The following DISP3 variants were observed in gnomAD, a reference collection of about 807,000 sequenced individuals.
The protein encoded by DISP3 is dispatched RND transporter family member 3.
A neutral mutation model predicts 135.3 loss-of-function variants in DISP3; 101 were observed. That is an observed-to-expected ratio of 0.75 (90% CI 0.64 to 0.88). The LOEUF is 0.88. Ranked by LOEUF, DISP3 falls within the 40% of genes least tolerant of loss-of-function variation. DISP3 has a pLI of 0.00. For synonymous variants in DISP3, 856 were observed against 817.0 expected, an observed-to-expected ratio of 1.05 and a Z score of -0.81; for missense variants, 1,713 against 1,878.6, an observed-to-expected ratio of 0.91 and a Z score of 1.63.
chr1:11,536,177 C>A lies in DISP3; in HGVS notation c.3817-147C>A. The A allele has an allele frequency of 8.4e-7, 1 of 1,189,310 alleles. No homozygotes were observed. Among genetic ancestry groups the A allele is most frequent in the Non-Finnish European group, 1.1e-6 (1 of 874,674 alleles). The allele number at this position is 1,189,310 out of a possible 1,614,324, so 73.7% of individuals were successfully genotyped here. On this transcript the variant is annotated intron_variant, in intron 20 of 20. Coordinates refer to ENST00000294484, the MANE Select transcript of DISP3 (RefSeq NM_020780.2). The surrounding 1 kb of genome is among the most constrained non-coding windows in gnomAD (Gnocchi z 4.3). ...CATAGCAACACCTACCTGGTTCCTA[C>A]CCTCCCAACCCTGGGAGGCCACTTG... is the stretch of plus-strand genomic sequence containing the variant.
chr1:11,533,556 C>T (rs955876711), intron 17 of DISP3: 11 of 537,226 alleles, frequency 2.0e-5, no homozygotes, highest in Admixed American at 3.1e-5. Flanking sequence ...TGCGCCCAGC[C>T]GGTGACTGGC....
chr1:11,527,074 A>T (rs2473471), intron 13 of DISP3, among the ~76,000 whole-genome samples: 1 of 151,760 alleles, frequency 6.6e-6, no homozygotes, highest in Non-Finnish European at 1.5e-5. Flanking sequence ...GGGATTACAG[A>T]CATGCACCAC....
chr1:11,519,810 C>T lies in DISP3; in HGVS notation c.2130C>T (p.Ile710=), dbSNP rs760225140. 1.1e-5 allele frequency: 17 copies of T among 1,612,796 alleles called. No individual in the cohort carries two copies. Among genetic ancestry groups the T allele is most frequent in the African/African-American group, 2.7e-5 (2 of 74,920 alleles). Residue 710 remains isoleucine (I), a synonymous_variant, in exon 9 of 21, where the codon ATC becomes ATT. Transcript: ENST00000294484. This position sits in a 1 kb window ranked among gnomAD's most constrained non-coding sequence, Gnocchi z 4.3. ...ACACGGGCAGCCGCGGCCATCTCAT[C>T]GTGCAGCTGCAGGAGCTGCTGCACC... ...ASNTGSRGHL[I]VQLQELLHHW... is the part of the protein sequence containing the mutation.
At position 11,519,266 on chromosome 1, in the gene DISP3, T is replaced by G; in HGVS notation, c.1890-89T>G. On this transcript the variant is annotated intron_variant, in intron 7 of 20. Coordinates refer to ENST00000294484, the MANE Select transcript of DISP3 (RefSeq NM_020780.2). This position sits in a 1 kb window ranked among gnomAD's most constrained non-coding sequence, Gnocchi z 4.3. ...GTGACGTCAGCAGCACTGTGATACC[T>G]GGGTTCATCTGATCCTCAGGGCCCT... 7.0e-7 allele frequency: 1 copy of G among 1,437,882 alleles called. No homozygotes were observed. The highest frequency in any genetic ancestry group is 1.9e-5 in the Admixed American group (1 of 53,408). The allele number at this position is 1,437,882 out of a possible 1,614,324, so 89.1% of individuals were successfully genotyped here.
chr1:11,526,692 C>T lies in DISP3; in HGVS notation c.2655C>T (p.Thr885=), dbSNP rs757183286. 14 of 1,614,024 alleles carry T rather than the reference C, an allele frequency of 8.7e-6. No individual in the cohort carries two copies. Among genetic ancestry groups the T allele is most frequent in the Admixed American group, 8.3e-5 (5 of 60,006 alleles). The part of the protein sequence containing the change: ...APFGNFTKKL[T]ACMSTVGLLQ... Reference sequence around the variant, plus strand: ...TTGGTAACTTCACCAAGAAGCTGACCGCTTGTATGTCTACAGTAGGGCTGC... The same window carrying T: ...TTGGTAACTTCACCAAGAAGCTGACTGCTTGTATGTCTACAGTAGGGCTGC... Residue 885 remains threonine, a synonymous_variant, in exon 13 of 21, where the codon ACC becomes ACT. Transcript: ENST00000294484.
At position 11,479,191 on chromosome 1, in the gene DISP3, T is replaced by G. The variant is rs1276111532; in HGVS notation, c.-185T>G. 6.3e-6 allele frequency: 1 copy of G among 158,668 alleles called. No individual in the cohort carries two copies. The highest frequency in any genetic ancestry group is 2.4e-5 in the African/African-American group (1 of 41,426). 9.8% of individuals were successfully genotyped at this position (158,668 alleles called of 1,614,324 possible). ...TGAGGACTGGGATTCGCGCGCAGCT[T>G]CCCGCGGTCTGCTTGCCCTGGAGCG... is the stretch of plus-strand genomic sequence containing the variant. On this transcript the variant is annotated 5_prime_UTR_variant, in exon 1 of 21. Transcript: ENST00000294484.
At chr1:11,530,572 G>A (rs1431697301) in intron 15 of DISP3, among the ~76,000 whole-genome samples, 1 of 152,066 alleles carries the variant, frequency 6.6e-6, no homozygotes, top group Non-Finnish European at 1.5e-5. Context: ...AGGGGTGGGG[G>A]GACCAGGCAG....
At position 11,498,859 on chromosome 1, in the gene DISP3, A is replaced by T. The variant is rs74055713; in HGVS notation, c.-3-2131A>T. Among the ~76,000 whole-genome samples the T allele has an allele frequency of 1.9e-3, 287 of 152,264 alleles. 2 individuals are homozygous for T. Among genetic ancestry groups the T allele is most frequent in the African/African-American group, 6.5e-3 (269 of 41,536 alleles). ...AGATGGGGAGACTGAAGCTCATCAA[A>T]GTTACACTGCCTGCCCTAAATCTTA... On this transcript the variant is annotated intron_variant, in intron 1 of 20. Coordinates refer to ENST00000294484, the MANE Select transcript of DISP3 (RefSeq NM_020780.2).
At chr1:11,500,316 C>T (rs1475670035) in intron 1 of DISP3, among the ~76,000 whole-genome samples, 1 of 152,260 alleles carries the variant, frequency 6.6e-6, no homozygotes, top group Non-Finnish European at 1.5e-5. Flanking sequence ...CAGTCCCCAG[C>T]CGGGAGCAGG....
rs1266940325 is a variant in DISP3, at chr1:11,501,181, CCTGGGCTGGGCCTTCACCAATCCGTG to C, written c.193_218del (p.Gly65CysfsTer29). Reference sequence around the variant, plus strand: ...CCCCAGCTTCGGGCTTCTGGAGTACCCTGGGCTGGGCCTTCACCAATCCGTGCTGTGCTGGGCTGGTGCTCTTCCTG... The same window carrying C: ...CCCCAGCTTCGGGCTTCTGGAGTACCCTGTGCTGGGCTGGTGCTCTTCCTG... On this transcript the variant is annotated frameshift_variant, in exon 2 of 21. Coordinates refer to ENST00000294484, the MANE Select transcript of DISP3 (RefSeq NM_020780.2). LOFTEE classifies it high-confidence loss of function. This position sits in a 1 kb window ranked among gnomAD's most constrained non-coding sequence, Gnocchi z 4.9. 59 of 1,614,018 alleles carry C rather than the reference CCTGGGCTGGGCCTTCACCAATCCGTG, an allele frequency of 3.7e-5. No individual in the cohort carries two copies. Among genetic ancestry groups the C allele is most frequent in the Non-Finnish European group, 4.8e-5 (57 of 1,180,022 alleles).
intron 1 of DISP3, among the ~76,000 whole-genome samples, chr1:11,500,673 A>AT (rs57830457): frequency 0.044 from 6,627 of 150,528 alleles, 454 homozygotes; most frequent in African/African-American, 0.15. Context: ...GTGTAGTCAG[A>AT]TTTTTTTTTT....
chr1:11,531,647 G>T lies in DISP3; in HGVS notation c.3312G>T (p.Leu1104=), dbSNP rs1299358197. 6.2e-7 allele frequency: 1 copy of T among 1,613,274 alleles called. No individual in the cohort carries two copies. The change falls in exon 17 of 21, where the codon CTG becomes CTT. Residue 1104 remains leucine (L), a synonymous_variant. Transcript: ENST00000294484. This position sits in a 1 kb window ranked among gnomAD's most constrained non-coding sequence, Gnocchi z 5.2. ...AGCCCAACCTGCTCCCGGGGCAGCT[G>T]TCCCACGGGGCAGTGGGCGTCAGGG... ...LPEPNLLPGQ[L]SHGAVGVREG...
Position 11,519,534 on chromosome 1 carries a change from C to A in DISP3, c.2038+31C>A, listed in dbSNP as rs1328971355. ...AGCTGGCACAGGCCTGCCCTACTGA[C>A]CCCAGTGAGACCCAGCGCTGCCTCT... is the stretch of plus-strand genomic sequence containing the variant. On this transcript the variant is annotated intron_variant, in intron 8 of 20. Coordinates refer to ENST00000294484, the MANE Select transcript of DISP3 (RefSeq NM_020780.2). The surrounding 1 kb of genome is among the most constrained non-coding windows in gnomAD (Gnocchi z 4.3). 3 of 1,610,442 alleles carry A rather than the reference C, an allele frequency of 1.9e-6. No homozygotes were observed. The highest frequency in any genetic ancestry group is 3.3e-5 in the Admixed American group (2 of 59,938).
intron 17 of DISP3, among the ~76,000 whole-genome samples, chr1:11,532,343 G>A (rs1323877155): frequency 6.6e-6 from 1 of 152,218 alleles, no homozygotes; most frequent in Non-Finnish European, 1.5e-5. Flanking sequence ...GGTGTGCTCT[G>A]TGTCCCTGAG....
chr1:11,501,353 G>A lies in DISP3; in HGVS notation c.361G>A (p.Ala121Thr), dbSNP rs1641509688. 2 of 1,612,864 alleles carry A rather than the reference G, an allele frequency of 1.2e-6. No individual in the cohort carries two copies. Among genetic ancestry groups the A allele is most frequent in the African/African-American group, 1.3e-5 (1 of 74,912 alleles). Residue 121 changes from alanine (A) to threonine (T), a missense_variant, in exon 2 of 21, where the codon GCT (alanine) becomes ACT (threonine). Around this residue, in one of 2 missense-constraint regions of DISP3, gnomAD observed 571 missense variants for 494.1 expected, o/e 1.16. Coordinates refer to ENST00000294484, the MANE Select transcript of DISP3 (RefSeq NM_020780.2). The surrounding 1 kb of genome is among the most constrained non-coding windows in gnomAD (Gnocchi z 4.9). Reference protein sequence around the residue: ...RNHEASQRFDALTLALKSQFG... With the variant: ...RNHEASQRFDTLTLALKSQFG... Reference sequence around the variant, plus strand: ...CCACGAGGCCTCACAGCGTTTCGACGCTCTCACTCTGGCGCTTAAGTCCCA... The same window carrying A: ...CCACGAGGCCTCACAGCGTTTCGACACTCTCACTCTGGCGCTTAAGTCCCA...
At chr1:11,521,067 A>T (rs961403160) in intron 10 of DISP3, among the ~76,000 whole-genome samples, 2 of 152,110 alleles carry the variant, frequency 1.3e-5, no homozygotes, top group African/African-American at 4.8e-5. Context: ...CGGGAGGCAT[A>T]GGCTTCCCAA....
At chr1:11,498,224 A>G (rs868357033) in intron 1 of DISP3, among the ~76,000 whole-genome samples, 1 of 152,244 alleles carries the variant, frequency 6.6e-6, no homozygotes, top group Admixed American at 6.5e-5. Flanking sequence ...GGGTCAGGAC[A>G]GGGCACAGGA....
intron 1 of DISP3, among the ~76,000 whole-genome samples, chr1:11,494,194 A>G (rs1412119068): frequency 6.6e-6 from 1 of 152,236 alleles, no homozygotes; most frequent in Non-Finnish European, 1.5e-5. Flanking sequence ...TAAAAAGTGA[A>G]TGCTCATAAT....
chr1:11,533,446 A>G (rs1032449586), intron 17 of DISP3, among the ~76,000 whole-genome samples: 2 of 150,130 alleles, frequency 1.3e-5, no homozygotes, highest in Non-Finnish European at 3.0e-5. Context: ...CAGTAGAGAC[A>G]GGGTTTCACC....
Sources: gnomAD v4.1 joint callset for allele counts (sites outside exome capture counted in the v4.1 genomes callset) on GRCh38, gnomAD v4.1.1 for gene constraint, gnomAD v4.1.1 regional missense constraint, Gnocchi (gnomAD v3.1) non-coding constraint, MANE v1.5 for transcripts, NCBI Gene and HGNC (gene_info 2026-07-23, HGNC 2026-07-21) for gene names.